Variants in PTK2 observed in about 807,000 individuals in gnomAD.
The protein encoded by PTK2 is protein tyrosine kinase 2, also known as focal adhesion kinase 1.
A neutral mutation model predicts 150.1 loss-of-function variants in PTK2; 45 were observed. That is an observed-to-expected ratio of 0.30 (90% CI 0.24 to 0.38). PTK2 has a LOEUF of 0.38. Among genes scored for constraint, PTK2 ranks in the 10% least tolerant of loss-of-function variants. PTK2 has a pLI of 1.00. For missense variants in PTK2, 919 were observed against 1,307.3 expected, an observed-to-expected ratio of 0.70 and a Z score of 4.58; for synonymous variants, 432 against 449.2, an observed-to-expected ratio of 0.96 and a Z score of 0.48.
At chr8:140,807,253 C>G (rs1169490971) in intron 10 of PTK2, among the ~76,000 whole-genome samples, 17 of 152,120 alleles carry the variant, frequency 1.1e-4, no homozygotes, top group Non-Finnish European at 2.9e-5. Context: ...ATACACGGTG[C>G]TGTATAAAAA....
In PTK2 at chr8:140,674,672, G is replaced by A. The variant is rs552619837; in HGVS notation, c.2603-268C>T. On this transcript the variant is annotated intron_variant, in intron 28 of 31. Transcript: ENST00000522684. ...GAGAATCGCTTGAACCCAGGAGGTG[G>A]AGGTTGCGGTGAGTTGAGATCGTGC... 3.3e-5 allele frequency among the ~76,000 whole-genome samples: 5 copies of A among 152,136 alleles called. No homozygotes were observed. The South Asian group carries it at 1.0e-3, about 32-fold the overall frequency.
chr8:140,936,304 G>A (rs2100173602), intron 1 of PTK2, among the ~76,000 whole-genome samples: 1 of 152,170 alleles, frequency 6.6e-6, no homozygotes, highest in East Asian at 1.9e-4. Context: ...AAGAGGTCAA[G>A]AGAAGACAAA....
intron 1 of PTK2, among the ~76,000 whole-genome samples, chr8:140,953,498 T>C (rs1443090018): frequency 6.6e-6 from 1 of 152,132 alleles, no homozygotes; most frequent in African/African-American, 2.4e-5. Context: ...CACAGTGTGG[T>C]GGATATGCTG....
chr8:140,963,606 C>A (rs2100184174), intron 1 of PTK2, among the ~76,000 whole-genome samples: 1 of 152,238 alleles, frequency 6.6e-6, no homozygotes, highest in Admixed American at 6.5e-5. Flanking sequence ...TTCACCAGTA[C>A]CTACCTGAGT....
At chr8:140,733,790 T>C (rs751785099) in intron 22 of PTK2, among the ~76,000 whole-genome samples, 1 of 152,228 alleles carries the variant, frequency 6.6e-6, no homozygotes, top group Non-Finnish European at 1.5e-5. Context: ...AGGGTTGTTC[T>C]ATGGGGCCTT....
intron 2 of PTK2, among the ~76,000 whole-genome samples, chr8:140,924,779 C>A (rs2100168845): frequency 6.6e-6 from 1 of 152,038 alleles, no homozygotes; most frequent in Admixed American, 6.6e-5. Flanking sequence ...CTGCTTCTTC[C>A]CACCCCACAT....
At chr8:140,659,833 G>A (rs1010847124) in intron 31 of PTK2, among the ~76,000 whole-genome samples, 155 bp from the exon 36 acceptor site, 13 of 152,110 alleles carry the variant, frequency 8.5e-5, no homozygotes, top group African/African-American at 2.9e-4. Flanking sequence ...GGGAACACAG[G>A]CACATGCCAC....
intron 2 of PTK2, among the ~76,000 whole-genome samples, chr8:140,902,313 G>A (rs1266241340): frequency 6.6e-6 from 1 of 152,188 alleles, no homozygotes; most frequent in Admixed American, 6.5e-5. Context: ...GGGATTACAG[G>A]CGTGAGCCAC....
chr8:140,791,247 C>A (rs991969390), intron 13 of PTK2, among the ~76,000 whole-genome samples: 6 of 152,172 alleles, frequency 3.9e-5, no homozygotes, highest in Non-Finnish European at 1.5e-5. Flanking sequence ...TATTCACAGG[C>A]ATGATCATAG....
chr8:140,839,591 A>T (rs1387646275), intron 7 of PTK2, among the ~76,000 whole-genome samples: 3 of 152,236 alleles, frequency 2.0e-5, no homozygotes, highest in Admixed American at 2.0e-4. Context: ...TAAGTGGTAG[A>T]ATGAAAAAAA....
At chr8:140,844,863 C>T (rs1397373635) in intron 7 of PTK2, among the ~76,000 whole-genome samples, 2 of 152,078 alleles carry the variant, frequency 1.3e-5, no homozygotes, top group East Asian at 3.9e-4. Flanking sequence ...TGAATGTTCC[C>T]ATAGAACTAA....
At chr8:140,780,410 G>GA (rs1595339206) in intron 14 of PTK2, among the ~76,000 whole-genome samples, 1 of 152,124 alleles carries the variant, frequency 6.6e-6, no homozygotes, top group African/African-American at 2.4e-5. Flanking sequence ...GGGAGGGGGG[G>GA]AATCAAGCCC....
chr8:140,968,691 A>G (rs1342387496), intron 1 of PTK2, among the ~76,000 whole-genome samples: 1 of 152,222 alleles, frequency 6.6e-6, no homozygotes, highest in Non-Finnish European at 1.5e-5. Context: ...TACTTAAACT[A>G]ATCAATAGGC....
rs1355015239 is a variant in PTK2 at position 140,873,465 on chromosome 8, T to TA, written c.362+6005_362+6006insT. Among the ~76,000 whole-genome samples, 6 of 121,320 alleles carry TA rather than the reference T, an allele frequency of 4.9e-5. No individual in the cohort carries two copies. The East Asian group carries it at 1.3e-3, about 27-fold the overall frequency. The allele number at this position is 121,320 out of a possible 152,430, so 79.6% of individuals were successfully genotyped here. A position where few individuals can be genotyped will look rare whatever the true frequency, so the allele number is the denominator to read the frequency against. On this transcript the variant is annotated intron_variant, in intron 4 of 31. Transcript: ENST00000522684. ...TATCTATTACTGAAGTGTCTGCAAT[T>TA]TTTTTTTTTTCTGTTTTTGAGACGG...
At position 140,825,036 on chromosome 8, in the gene PTK2, A is replaced by C. The variant is rs539041063; in HGVS notation, c.648+5436T>G. On this transcript the variant is annotated intron_variant, in intron 8 of 31. Transcript: ENST00000522684. The stretch of plus-strand genomic sequence containing the variant: ...ATTATCAGATGCTGCTAGCAACAAT[A>C]GATTCCTAGGACTTCCCAGATGCAA... Among the ~76,000 whole-genome samples, 121 of 152,336 alleles carry C rather than the reference A, an allele frequency of 7.9e-4. 1 individual carries two copies. Among genetic ancestry groups the C allele is most frequent in the African/African-American group, 2.7e-3 (112 of 41,586 alleles).
intron 13 of PTK2, among the ~76,000 whole-genome samples, chr8:140,790,416 C>G (rs1391645689): frequency 6.6e-6 from 1 of 152,094 alleles, no homozygotes; most frequent in Non-Finnish European, 1.5e-5. Context: ...TTCATATACA[C>G]CTTATACATG....
chr8:140,956,634 T>C (rs2154609240), intron 1 of PTK2, among the ~76,000 whole-genome samples: 1 of 152,318 alleles, frequency 6.6e-6, no homozygotes, highest in African/African-American at 2.4e-5. Context: ...AACAGCTCCA[T>C]GTGTGTTATT....
intron 14 of PTK2, among the ~76,000 whole-genome samples, chr8:140,765,497 A>T (rs1396835489): frequency 6.6e-6 from 1 of 152,180 alleles, no homozygotes; most frequent in Non-Finnish European, 1.5e-5. Flanking sequence ...AAAGTTGGGG[A>T]AGCAGATTAT....
chr8:140,677,591 A>G lies in PTK2; in HGVS notation c.2563-2092T>C, dbSNP rs1360015690. Among the ~76,000 whole-genome samples, 13 of 152,250 alleles carry G rather than the reference A, an allele frequency of 8.5e-5. No individual in the cohort carries two copies. In the East Asian group the frequency reaches 2.5e-3, roughly 29 times the overall value. On this transcript the variant is annotated intron_variant, in intron 27 of 31. Transcript: ENST00000522684. ...TATAACCTAAGACACTTTACTTTCTATTGAAAAGAGATCCACTTCTTTACA... is the reference window on the plus strand; with the variant it reads ...TATAACCTAAGACACTTTACTTTCTGTTGAAAAGAGATCCACTTCTTTACA...
Sources: gnomAD v4.1 joint callset for allele counts (sites outside exome capture counted in the v4.1 genomes callset) on GRCh38, gnomAD v4.1.1 for gene constraint, MANE v1.5 for transcripts, NCBI Gene and HGNC (gene_info 2026-07-23, HGNC 2026-07-21) for gene names.